The following NAV3 variants were observed in gnomAD, a reference collection of about 807,000 sequenced individuals.
NAV3 encodes the protein neuron navigator 3, also known as pore membrane and/or filament interacting like protein 1.
A neutral mutation model predicts 244.7 loss-of-function variants in NAV3; 87 were observed. The observed-to-expected ratio is 0.36, with a 90% CI of 0.30 to 0.42. The LOEUF (loss-of-function observed/expected upper bound fraction) is 0.42. NAV3 is among the 20% of genes least tolerant of loss of function. The pLI is 1.00. For missense variants in NAV3, 2,663 were observed against 2,893.3 expected (o/e 0.92, Z 1.83); for synonymous variants, 1,126 against 1,042.2 (o/e 1.08, Z -1.55).
chr12:77,608,174 T>C (rs1428038093), intron 2 of NAV3, among the ~76,000 whole-genome samples: 1 of 152,108 alleles, frequency 6.6e-6, no homozygotes, highest in Non-Finnish European at 1.5e-5. Flanking sequence ...ACTTTATGGG[T>C]ATGTCACTGC....
intron 2 of NAV3, among the ~76,000 whole-genome samples, chr12:77,729,893 T>G (rs961041662): frequency 6.6e-6 from 1 of 152,042 alleles, no homozygotes; most frequent in Admixed American, 6.6e-5. Flanking sequence ...CATCAACTCC[T>G]TCTTTACCCA....
chr12:77,847,803 G>T lies in NAV3; in HGVS notation c.243+16099G>T, dbSNP rs150012815. ...TTCTCTGCATGTGTAGCTTGTTTTAGCCTTCAGAGGAAAGTTCCCATATAT... is the reference window on the plus strand; with the variant it reads ...TTCTCTGCATGTGTAGCTTGTTTTATCCTTCAGAGGAAAGTTCCCATATAT... On this transcript the variant is annotated intron_variant, in intron 1 of 39. Coordinates refer to ENST00000397909, the MANE Select transcript of NAV3 (RefSeq NM_001024383.2). 1.5e-3 allele frequency among the ~76,000 whole-genome samples: 231 copies of T among 152,232 alleles called. 5 individuals carry two copies. The East Asian group carries it at 0.042, about 28-fold the overall frequency.
At chr12:77,770,740 T>C (rs1565806900) in intron 2 of NAV3, among the ~76,000 whole-genome samples, 1 of 152,188 alleles carries the variant, frequency 6.6e-6, no homozygotes, top group Non-Finnish European at 1.5e-5. Flanking sequence ...ATCCCTTCCT[T>C]ACACCTTATA....
chr12:78,171,078 CA>C (rs1435119279), intron 24 of NAV3, among the ~76,000 whole-genome samples: 1 of 151,574 alleles, frequency 6.6e-6, no homozygotes, highest in East Asian at 1.9e-4. Context: ...AAATGAATTT[CA>C]ATTTAAATTT....
chr12:78,181,845 A>G (rs564928422), intron 30 of NAV3, among the ~76,000 whole-genome samples: 5 of 152,132 alleles, frequency 3.3e-5, no homozygotes, highest in African/African-American at 9.6e-5. Flanking sequence ...ATATTAAAAT[A>G]CAGAAGGAGA....
At chr12:77,864,410 T>C (rs976837957) in intron 1 of NAV3, among the ~76,000 whole-genome samples, 8 of 151,954 alleles carry the variant, frequency 5.3e-5, no homozygotes, top group Non-Finnish European at 1.0e-4. Flanking sequence ...GTATCACATG[T>C]ACACTAGCAT....
intron 21 of NAV3, among the ~76,000 whole-genome samples, chr12:78,147,486 GA>G (rs1201749459): frequency 1.3e-5 from 2 of 151,846 alleles, no homozygotes; most frequent in East Asian, 3.9e-4. Context: ...TTTAATTTGA[GA>G]AATGCTCTTT....
intron 2 of NAV3, among the ~76,000 whole-genome samples, chr12:77,657,744 A>T (rs969825032): frequency 2.0e-5 from 3 of 152,192 alleles, no homozygotes; most frequent in African/African-American, 7.2e-5. Flanking sequence ...CAGCACATCC[A>T]AAAGCTTATC....
At chr12:77,898,464 T>C (rs781008175) in intron 1 of NAV3, among the ~76,000 whole-genome samples, 1 of 152,182 alleles carries the variant, frequency 6.6e-6, no homozygotes, top group Non-Finnish European at 1.5e-5. Flanking sequence ...TTGATGAAGA[T>C]GTAGGCCACT....
rs146774727 is a variant in NAV3 at position 78,145,148 on chromosome 12, C to T, written c.4684-1221C>T. The T allele has an allele frequency of 3.6e-4, 74 of 208,036 alleles. 1 individual carries two copies. The East Asian group carries it at 0.012, about 32-fold the overall frequency. 12.9% of individuals were successfully genotyped at this position (208,036 alleles called of 1,614,324 possible). On this transcript the variant is annotated intron_variant, in intron 20 of 39. Transcript: ENST00000397909. ...TAGGATCTAAAAAATAAAATCTTTC[C>T]TTAAAAATCTAAAATTGAGATGTAA...
intron 22 of NAV3, 138 bp downstream of exon 22, chr12:78,149,057 A>G (rs1956972404): frequency 1.4e-6 from 1 of 707,070 alleles, no homozygotes; most frequent in African/African-American, 1.8e-5. Context: ...TAAAAAGTTA[A>G]CATTTTTTGC....
intron 1 of NAV3, among the ~76,000 whole-genome samples, chr12:77,914,591 T>C (rs1385129589): frequency 6.6e-6 from 1 of 152,138 alleles, no homozygotes. Flanking sequence ...AAGGGTTTGC[T>C]AGTGCTCTTT....
At chr12:78,015,668 G>A (rs2136712817) in intron 8 of NAV3, among the ~76,000 whole-genome samples, 1 of 152,108 alleles carries the variant, frequency 6.6e-6, no homozygotes. Flanking sequence ...GTCTCCAGTT[G>A]TATGTAATAG....
chr12:77,962,019 T>C (rs2137868775), intron 3 of NAV3, among the ~76,000 whole-genome samples: 1 of 152,262 alleles, frequency 6.6e-6, no homozygotes, highest in South Asian at 2.1e-4. Context: ...GCTCTTGTCG[T>C]ACATGACTTG....
chr12:78,016,506 A>G (rs974430536), intron 8 of NAV3, among the ~76,000 whole-genome samples: 3 of 151,994 alleles, frequency 2.0e-5, no homozygotes, highest in African/African-American at 7.2e-5. Flanking sequence ...TTCCATCCAC[A>G]CTAGACTTCT....
At chr12:77,740,713 G>T (rs1457829630) in intron 2 of NAV3, among the ~76,000 whole-genome samples, 1 of 152,122 alleles carries the variant, frequency 6.6e-6, no homozygotes, top group African/African-American at 2.4e-5. Flanking sequence ...GGGTAAATAG[G>T]AGGATAAGAA....
chr12:77,647,320 C>T (rs1463167918), intron 2 of NAV3, among the ~76,000 whole-genome samples: 1 of 152,072 alleles, frequency 6.6e-6, no homozygotes, highest in Non-Finnish European at 1.5e-5. Context: ...AATAGAAAGA[C>T]TTTAAACGCC....
intron 18 of NAV3, among the ~76,000 whole-genome samples, chr12:78,134,063 G>A (rs1208901859): frequency 1.3e-5 from 2 of 152,126 alleles, no homozygotes; most frequent in African/African-American, 4.8e-5. Flanking sequence ...ATGTCAACCT[G>A]TCACTTCTAA....
chr12:77,972,841 TTG>T (rs1238795570), intron 5 of NAV3, among the ~76,000 whole-genome samples: 1 of 152,162 alleles, frequency 6.6e-6, no homozygotes, highest in Non-Finnish European at 1.5e-5. Context: ...TTTTCATATG[TTG>T]CATTTTGACA....
Sources: allele counts gnomAD v4.1 joint callset (sites outside exome capture counted in the v4.1 genomes callset), GRCh38; gene constraint gnomAD v4.1.1; transcripts MANE v1.5; gene names NCBI Gene and HGNC (gene_info 2026-07-23, HGNC 2026-07-21).